The following PDE9A variants were observed in gnomAD, a reference collection of about 807,000 sequenced individuals.
PDE9A encodes the protein high affinity cGMP-specific 3',5'-cyclic phosphodiesterase 9A.
Under a neutral mutation model 87.4 loss-of-function variants are expected in PDE9A, and 60 were observed. The ratio of observed to expected loss-of-function variants is 0.69; its 90% CI spans 0.56 to 0.85. The LOEUF (loss-of-function observed/expected upper bound fraction) is 0.85, where lower values mean the gene tolerates loss of function less well. Ranked by LOEUF, PDE9A falls within the 40% of genes least tolerant of loss-of-function variation. The pLI, the probability that PDE9A is intolerant of heterozygous loss-of-function variation, is 0.00. For synonymous variants in PDE9A, 272 were observed against 279.4 expected, an observed-to-expected ratio of 0.97 and a Z score of 0.27; for missense variants, 665 against 779.0, an observed-to-expected ratio of 0.85 and a Z score of 1.74.
intron 1 of PDE9A, among the ~76,000 whole-genome samples, chr21:42,666,474 G>A (rs927649559): frequency 6.6e-6 from 1 of 152,144 alleles, no homozygotes; most frequent in African/African-American, 2.4e-5. Flanking sequence ...CCGCAGCTCC[G>A]TCTCAGCTTT....
chr21:42,670,266 CAT>C (rs147113620), intron 1 of PDE9A, among the ~76,000 whole-genome samples: 51,154 of 148,178 alleles, frequency 0.35, 11,195 homozygotes, highest in African/African-American at 0.64. Flanking sequence ...CATTCACACA[CAT>C]ATTCACACAT....
In PDE9A at chr21:42,660,897, C is replaced by T. The variant is rs1251570754; in HGVS notation, c.69+7014C>T. The stretch of plus-strand genomic sequence containing the variant: ...TCCCCCCTCACCCTGACCACATCTC[C>T]CCAAATCCCGAAGCTGGTCACGCAA... On this transcript the variant is annotated intron_variant, in intron 1 of 19. Coordinates refer to ENST00000291539, the MANE Select transcript of PDE9A (RefSeq NM_002606.3). The surrounding 1 kb of genome is among the most constrained non-coding windows in gnomAD (Gnocchi z 4.7). Among the ~76,000 whole-genome samples, 1 of 152,122 alleles carries T rather than the reference C, an allele frequency of 6.6e-6. No individual in the cohort carries two copies. The highest frequency in any genetic ancestry group is 2.4e-5 in the African/African-American group (1 of 41,426).
chr21:42,692,973 A>C lies in PDE9A; in HGVS notation c.218+4979A>C, dbSNP rs1273970361. ...GCAGCCATTCCCTCACCACATGTCC[A>C]GGAGGGAGCCGGCATCCTTTGCTGA... On this transcript the variant is annotated intron_variant, in intron 3 of 19. Coordinates refer to ENST00000291539, the MANE Select transcript of PDE9A (RefSeq NM_002606.3). The surrounding 1 kb of genome is among the most constrained non-coding windows in gnomAD (Gnocchi z 4.3). Among the ~76,000 whole-genome samples, 1 of 152,138 alleles carries C rather than the reference A, an allele frequency of 6.6e-6. No individual in the cohort carries two copies. Among genetic ancestry groups the C allele is most frequent in the African/African-American group, 2.4e-5 (1 of 41,426 alleles).
intron 1 of PDE9A, among the ~76,000 whole-genome samples, chr21:42,662,838 ACACAC>A (rs201428931): frequency 0.05 from 7,112 of 141,816 alleles, 477 homozygotes; most frequent in African/African-American, 0.16. Context: ...CACACCCACC[ACACAC>A]CACACACATG....
At chr21:42,726,209 G>T (rs956544523) in intron 4 of PDE9A, among the ~76,000 whole-genome samples, 2 of 152,102 alleles carry the variant, frequency 1.3e-5, no homozygotes, top group African/African-American at 4.8e-5. Context: ...CATGCTATCT[G>T]CAAGTCTTTG....
intron 4 of PDE9A, among the ~76,000 whole-genome samples, chr21:42,726,933 C>CTG (rs1310006699): frequency 1.1e-4 from 17 of 151,792 alleles, no homozygotes; most frequent in African/African-American, 3.9e-4. Context: ...GCCAGTACCT[C>CTG]ACAGTCTTGA....
At chr21:42,714,579 CT>C (rs1282660452) in intron 4 of PDE9A, among the ~76,000 whole-genome samples, 1 of 147,808 alleles carries the variant, frequency 6.8e-6, no homozygotes, top group African/African-American at 2.5e-5. Context: ...CTCTACCAGT[CT>C]TTGTTGATAT....
At chr21:42,670,846 A>G (rs1042414908) in intron 1 of PDE9A, among the ~76,000 whole-genome samples, 3 of 152,198 alleles carry the variant, frequency 2.0e-5, no homozygotes, top group Admixed American at 6.5e-5. Flanking sequence ...TTTTCAAGTC[A>G]GGATCCTAGC....
rs147513932 is a variant in PDE9A, at chr21:42,673,053, T to C, written c.70-13139T>C. 2.0e-3 allele frequency among the ~76,000 whole-genome samples: 306 copies of C among 152,242 alleles called. 1 individual carries two copies. The highest frequency in any genetic ancestry group is 7.1e-3 in the African/African-American group (295 of 41,532). Reference sequence around the variant, plus strand: ...CCCCTCCTGTAATCACGGCTGCCACTCAACGGAGTAAGTAATGTGTAGCGG... The same window carrying C: ...CCCCTCCTGTAATCACGGCTGCCACCCAACGGAGTAAGTAATGTGTAGCGG... On this transcript the variant is annotated intron_variant, in intron 1 of 19. Transcript: ENST00000291539.
At chr21:42,752,967 G>T (rs1421539701) in intron 9 of PDE9A, among the ~76,000 whole-genome samples, 1 of 152,084 alleles carries the variant, frequency 6.6e-6, no homozygotes, top group Non-Finnish European at 1.5e-5. Context: ...CTGAATTTAT[G>T]CCAAGTGAAT....
intron 4 of PDE9A, among the ~76,000 whole-genome samples, chr21:42,717,236 C>T (rs1161811148): frequency 2.0e-5 from 3 of 147,242 alleles, no homozygotes; most frequent in Non-Finnish European, 4.5e-5. Context: ...TTTAATGTTT[C>T]TTGCAGTGCA....
At chr21:42,693,359 C>T (rs867549832) in intron 3 of PDE9A, among the ~76,000 whole-genome samples, 6 of 147,552 alleles carry the variant, frequency 4.1e-5, no homozygotes, top group South Asian at 2.1e-4. Flanking sequence ...AGTGCAGTGG[C>T]GCGATCTCGG....
chr21:42,769,705 C>A (rs1701422378), intron 17 of PDE9A, among the ~76,000 whole-genome samples: 1 of 151,126 alleles, frequency 6.6e-6, no homozygotes, highest in South Asian at 2.1e-4. Context: ...CACACATGCA[C>A]ACAGGTACAC....
intron 2 of PDE9A, among the ~76,000 whole-genome samples, chr21:42,686,846 G>T (rs1447721209): frequency 6.6e-6 from 1 of 151,990 alleles, no homozygotes; most frequent in Admixed American, 6.6e-5. Context: ...AAGAGTGTGG[G>T]TTTTTTCCTC....
chr21:42,701,797 G>A (rs1012998873), intron 4 of PDE9A, among the ~76,000 whole-genome samples: 9 of 152,160 alleles, frequency 5.9e-5, no homozygotes, highest in African/African-American at 2.2e-4. Flanking sequence ...CAGTTTTCCA[G>A]CACTGTGAAT....
At chr21:42,681,883 T>C (rs781273104) in intron 1 of PDE9A, among the ~76,000 whole-genome samples, 25 of 152,248 alleles carry the variant, frequency 1.6e-4, no homozygotes, top group Non-Finnish European at 2.9e-5. Context: ...ATTTGCAAAA[T>C]TCTTCAGCAT....
In PDE9A at chr21:42,722,285, A is replaced by AT. The variant is rs1343918766; in HGVS notation, c.263-9479dup. Among the ~76,000 whole-genome samples the AT allele has an allele frequency of 6.6e-6, 1 of 152,082 alleles. No individual in the cohort carries two copies. The highest frequency in any genetic ancestry group is 2.4e-5 in the African/African-American group (1 of 41,402). ...GCCACCATGCCCGTCCAGCAGAGGT[A>AT]TTTTTTCTAATACTTGAGAAGTGTC... is the stretch of plus-strand genomic sequence containing the variant. On this transcript the variant is annotated intron_variant, in intron 4 of 19. Coordinates refer to ENST00000291539, the MANE Select transcript of PDE9A (RefSeq NM_002606.3). The surrounding 1 kb of genome is among the most constrained non-coding windows in gnomAD (Gnocchi z 4.1).
chr21:42,743,866 G>A lies in PDE9A; in HGVS notation c.653+6G>A. The A allele has an allele frequency of 1.3e-6, 2 of 1,552,204 alleles. No individual in the cohort carries two copies. Among genetic ancestry groups the A allele is most frequent in the African/African-American group, 1.4e-5 (1 of 73,416 alleles). On this transcript the variant is annotated splice_donor_region_variant and intron_variant, in intron 8 of 19. Coordinates refer to ENST00000291539, the MANE Select transcript of PDE9A (RefSeq NM_002606.3). ...CTGGCGGCCAGAAGCAGCAGGTAGGGTCTGCGCTGGGGCCACGGGCGGCCG... is the reference window on the plus strand; with the variant it reads ...CTGGCGGCCAGAAGCAGCAGGTAGGATCTGCGCTGGGGCCACGGGCGGCCG...
chr21:42,721,641 C>A (rs2050538605), intron 4 of PDE9A, among the ~76,000 whole-genome samples: 1 of 152,150 alleles, frequency 6.6e-6, no homozygotes, highest in African/African-American at 2.4e-5. Context: ...ACATCCTCAG[C>A]CAGTTGAATA....
Sources: allele counts gnomAD v4.1 joint callset (sites outside exome capture counted in the v4.1 genomes callset), GRCh38; gene constraint gnomAD v4.1.1; non-coding constraint Gnocchi (gnomAD v3.1); transcripts MANE v1.5; gene names NCBI Gene and HGNC (gene_info 2026-07-23, HGNC 2026-07-21).